Variants in PDE1C observed in about 807,000 individuals in gnomAD.
The protein encoded by PDE1C is phosphodiesterase 1C.
A neutral mutation model predicts 93.1 loss-of-function variants in PDE1C; 62 were observed. That is an observed-to-expected ratio of 0.67 (90% CI 0.54 to 0.82). The LOEUF (loss-of-function observed/expected upper bound fraction) is 0.82. Among genes scored for constraint, PDE1C ranks in the 40% least tolerant of loss-of-function variants. The pLI, the probability that PDE1C is intolerant of heterozygous loss-of-function variation, is 0.00. For missense variants in PDE1C, 742 were observed against 884.6 expected (o/e 0.84, Z 2.04); for synonymous variants, 325 against 310.1 (o/e 1.05, Z -0.50).
chr7:31,707,367 C>T, the PDE1C span: 1 of 1,188,112 alleles, frequency 8.4e-7, no homozygotes, highest in Non-Finnish European at 1.2e-6. Context: ...TGTTTCTGCT[C>T]TCATTTTTGT....
intron 1 of PDE1C, among the ~76,000 whole-genome samples, chr7:32,389,600 A>G (rs1784714314): frequency 6.6e-6 from 1 of 152,222 alleles, no homozygotes; most frequent in African/African-American, 2.4e-5. Flanking sequence ...AATCCAGGCC[A>G]ATCCAGGTGG....
At chr7:32,162,592 C>G (rs1801987448) in intron 3 of PDE1C, among the ~76,000 whole-genome samples, 1 of 152,078 alleles carries the variant, frequency 6.6e-6, no homozygotes. Flanking sequence ...TTCAGCAAGG[C>G]CGTTAGTGAG....
At chr7:31,849,740 A>G (rs1364269315) in intron 8 of PDE1C, among the ~76,000 whole-genome samples, 1 of 151,820 alleles carries the variant, frequency 6.6e-6, no homozygotes, top group Non-Finnish European at 1.5e-5. Flanking sequence ...CTTTCCCCAT[A>G]CCCTAGCTCC....
At chr7:31,691,906 T>C in the PDE1C span, among the ~76,000 whole-genome samples, 2 of 151,844 alleles carry the variant, frequency 1.3e-5, no homozygotes, top group Non-Finnish European at 2.9e-5. Flanking sequence ...AGGTGTCTAA[T>C]GGAAGTCAGC....
Position 32,059,535 on chromosome 7 carries a change from G to C in PDE1C, c.102-7955C>G, listed in dbSNP as rs114011818. Among the ~76,000 whole-genome samples, 910 of 152,276 alleles carry C rather than the reference G, an allele frequency of 6.0e-3. 8 individuals carry two copies. Among genetic ancestry groups the C allele is most frequent in the African/African-American group, 0.02 (852 of 41,562 alleles). On this transcript the variant is annotated intron_variant, in intron 1 of 17. Coordinates refer to ENST00000396191, the MANE Select transcript of PDE1C (RefSeq NM_001191057.4). ...CTCCGCATCCCCTCGGCTGCCTGCA[G>C]ACAGCTGGCCAGAAACAGAAATCAA...
chr7:32,056,368 A>AACACACAC lies in PDE1C; in HGVS notation c.102-4796_102-4789dup, dbSNP rs375602478. On this transcript the variant is annotated intron_variant, in intron 1 of 17. Transcript: ENST00000396191. ...TCTCTCTCTCTCTCTCTCTCACTGA[A>AACACACAC]ACACACACACACACACACACACACA... 1.2e-3 allele frequency among the ~76,000 whole-genome samples: 147 copies of AACACACAC among 119,284 alleles called. No homozygotes were observed. In the East Asian group the frequency reaches 0.016, roughly 13 times the overall value. The allele number at this position is 119,284 out of a possible 152,430, so 78.3% of individuals were successfully genotyped here. A position where few individuals can be genotyped will look rare whatever the true frequency, so the allele number is the denominator to read the frequency against.
At chr7:32,420,329 ATATATATATGTGTATATATATGTG>A (rs1235346996) in intron 1 of PDE1C, among the ~76,000 whole-genome samples, 225 of 2,956 alleles carry the variant, frequency 0.076, 93 homozygotes, top group Non-Finnish European at 0.12. Flanking sequence ...ATATATGTGT[ATATATATATGTGTATATATATGTG>A]TATATATATA....
chr7:32,182,049 G>A (rs1339397306), intron 2 of PDE1C, among the ~76,000 whole-genome samples: 6 of 152,272 alleles, frequency 3.9e-5, no homozygotes, highest in African/African-American at 1.4e-4. Flanking sequence ...AGAAAATCTA[G>A]AAGAAATGGA....
In PDE1C at chr7:32,267,174, C is replaced by A. The variant is rs528396436; in HGVS notation, c.85+31477G>T. On this transcript the variant is annotated intron_variant, in intron 1 of 18. Coordinates refer to the PDE1C transcript ENST00000396193. The stretch of plus-strand genomic sequence containing the variant: ...ACCCTCCCTGTCGTTAGAGACCCGA[C>A]CCTGAGCAAGGCTGAGTGCAAGGAG... Among the ~76,000 whole-genome samples, 113 of 152,328 alleles carry A rather than the reference C, an allele frequency of 7.4e-4. 1 individual carries two copies. Among genetic ancestry groups the A allele is most frequent in the African/African-American group, 2.6e-3 (109 of 41,586 alleles).
At chr7:31,980,117 C>T (rs574782714) in intron 2 of PDE1C, among the ~76,000 whole-genome samples, 20 of 152,322 alleles carry the variant, frequency 1.3e-4, no homozygotes, top group African/African-American at 4.8e-4. Context: ...GACTGGTCTT[C>T]CAGCCAAACT....
intron 2 of PDE1C, among the ~76,000 whole-genome samples, chr7:32,041,709 A>G (rs1407677414): frequency 6.6e-6 from 1 of 152,206 alleles, no homozygotes; most frequent in East Asian, 1.9e-4. Context: ...AAAATAGACA[A>G]TTTTGAAAAA....
At chr7:31,660,053 T>G in the PDE1C span, among the ~76,000 whole-genome samples, 116,292 of 151,962 alleles carry the variant, frequency 0.77, 44,569 homozygotes, top group East Asian at 0.82. Context: ...CCCCCTTTTT[T>G]TTTGGCACCT....
chr7:32,354,913 A>C lies in PDE1C; in HGVS notation c.310+72909T>G, dbSNP rs960031196. On this transcript the variant is annotated intron_variant, in intron 1 of 1. Transcript: ENST00000672256. ...GACTCTTTAAGCTTTTTCTTTTTAC[A>C]TTCCAAATCTTCTTTGCAAAGGCAA... Among the ~76,000 whole-genome samples, 11 of 152,340 alleles carry C rather than the reference A, an allele frequency of 7.2e-5. No homozygotes were observed. The East Asian group carries it at 1.9e-3, about 27-fold the overall frequency.
intron 1 of PDE1C, among the ~76,000 whole-genome samples, chr7:32,258,541 C>T (rs866519445): frequency 6.6e-5 from 10 of 152,196 alleles, no homozygotes; most frequent in South Asian, 6.2e-4. Flanking sequence ...GCCAAATTCT[C>T]CATTAACAAG....
chr7:32,050,477 A>C (rs539073590), intron 2 of PDE1C, among the ~76,000 whole-genome samples: 2 of 152,274 alleles, frequency 1.3e-5, no homozygotes, highest in South Asian at 2.1e-4. Flanking sequence ...CATTGTAAAA[A>C]ACAGAAAGCA....
At chr7:31,819,599 A>T (rs1162369833) in intron 14 of PDE1C, among the ~76,000 whole-genome samples, 1 of 151,950 alleles carries the variant, frequency 6.6e-6, no homozygotes, top group Non-Finnish European at 1.5e-5. Flanking sequence ...TGGGATGAAA[A>T]CAGCCAAGAG....
chr7:31,732,985 A>G, the PDE1C span, among the ~76,000 whole-genome samples: 2 of 152,228 alleles, frequency 1.3e-5, no homozygotes, highest in African/African-American at 2.4e-5. Flanking sequence ...TAGAATTTCC[A>G]TTCCTAACGG....
At chr7:32,064,576 C>A (rs1320801372) in intron 1 of PDE1C, among the ~76,000 whole-genome samples, 5 of 152,130 alleles carry the variant, frequency 3.3e-5, no homozygotes, top group South Asian at 2.1e-4. Flanking sequence ...TCCAGAATTA[C>A]AATCCTAAAA....
chr7:31,980,755 C>G (rs755572661), intron 2 of PDE1C, among the ~76,000 whole-genome samples: 1 of 152,190 alleles, frequency 6.6e-6, no homozygotes, highest in Non-Finnish European at 1.5e-5. Flanking sequence ...TCTGGAGGCT[C>G]TAGGAGAGAA....
Sources: gnomAD v4.1 joint callset for allele counts (sites outside exome capture counted in the v4.1 genomes callset) on GRCh38, gnomAD v4.1.1 for gene constraint, MANE v1.5 for transcripts, NCBI Gene and HGNC (gene_info 2026-07-23, HGNC 2026-07-21) for gene names.